The following KDM4A variants were observed in gnomAD, a reference collection of about 807,000 sequenced individuals.
KDM4A encodes the protein lysine-specific demethylase 4A.
In KDM4A, 23 loss-of-function variants were observed where a neutral mutation model predicts 127.1. That is an observed-to-expected ratio of 0.18 (90% confidence interval 0.13 to 0.26). The LOEUF (loss-of-function observed/expected upper bound fraction) is 0.26. KDM4A is among the 10% of genes least tolerant of loss of function. The pLI is 1.00. For synonymous variants in KDM4A, 443 were observed against 466.5 expected, an observed-to-expected ratio of 0.95 and a Z score of 0.65; for missense variants, 890 against 1,329.1, an observed-to-expected ratio of 0.67 and a Z score of 5.14.
At chr1:43,691,663 C>A in intron 15 of KDM4A, 91 bp downstream of exon 15, 1 of 1,098,432 alleles carries the variant, frequency 9.1e-7, no homozygotes, top group Non-Finnish European at 1.4e-6. Flanking sequence ...GTATTCCCAG[C>A]AGTCTGCATA....
intron 20 of KDM4A, 35 bp downstream of exon 20, chr1:43,703,771 G>A: frequency 6.2e-7 from 1 of 1,612,596 alleles, no homozygotes; most frequent in Non-Finnish European, 8.5e-7. Flanking sequence ...GGAGTGGGGG[G>A]TGCTTGATTA....
At chr1:43,656,503 ATT>A (rs771846540) in intron 3 of KDM4A, among the ~76,000 whole-genome samples, 12 of 149,626 alleles carry the variant, frequency 8.0e-5, no homozygotes, top group Non-Finnish European at 1.3e-4. Context: ...ATGCTTGGCT[ATT>A]TTTTGTATTT....
intron 11 of KDM4A, among the ~76,000 whole-genome samples, chr1:43,675,779 GCACA>G (rs1375184521): frequency 3.9e-5 from 6 of 152,084 alleles, no homozygotes; most frequent in African/African-American, 1.4e-4. Flanking sequence ...TCTTTTAAAC[GCACA>G]CACAAAGGGC....
Position 43,704,076 on chromosome 1 carries a change from G to A in KDM4A, c.3018G>A (p.Leu1006=). ...TTAAGAGAGATGATGTATACACACT[G>A]GATGAAGAGCTTCCCAAGAGAGTCA... is the stretch of plus-strand genomic sequence containing the variant. ...LVVKRDDVYT[L]DEELPKRVKS... is the part of the protein sequence containing the mutation. Residue 1006 remains leucine, a synonymous_variant, in exon 21 of 22, where the codon CTG becomes CTA. Coordinates refer to ENST00000372396, the MANE Select transcript of KDM4A (RefSeq NM_014663.3). The A allele has an allele frequency of 6.2e-7, 1 of 1,614,104 alleles. No individual in the cohort carries two copies. Among genetic ancestry groups the A allele is most frequent in the South Asian group, 1.1e-5 (1 of 91,060 alleles).
intron 3 of KDM4A, among the ~76,000 whole-genome samples, chr1:43,656,329 GTTT>G (rs11438925): frequency 2.8e-4 from 15 of 54,178 alleles, no homozygotes; most frequent in Non-Finnish European, 3.9e-4. Flanking sequence ...TCTGCTGTTG[GTTT>G]TTTTTTTTTT....
intron 11 of KDM4A, among the ~76,000 whole-genome samples, chr1:43,673,690 CCTT>C (rs1660677678): frequency 1.3e-5 from 2 of 152,240 alleles, no homozygotes; most frequent in East Asian, 3.9e-4. Flanking sequence ...GTTCTCTGTG[CCTT>C]CTTATGGCAG....
intron 3 of KDM4A, among the ~76,000 whole-genome samples, chr1:43,659,418 A>T (rs1241162154): frequency 2.0e-5 from 3 of 152,164 alleles, no homozygotes; most frequent in Admixed American, 1.3e-4. Flanking sequence ...GGGTTTAAGT[A>T]ATTCTCCTGC....
Position 43,704,007 on chromosome 1 carries a change from G to A in KDM4A, c.2962-13G>A. On this transcript the variant is annotated splice_polypyrimidine_tract_variant and intron_variant, in intron 20 of 21. Coordinates refer to ENST00000372396, the MANE Select transcript of KDM4A (RefSeq NM_014663.3). ...GGGATATCCTAGCCAAAAGGCCTTT[G>A]TTTCCTTGGTAGGTGGAGTTTGAGG... 6.2e-7 allele frequency: 1 copy of A among 1,612,700 alleles called. No homozygotes were observed. Among genetic ancestry groups the A allele is most frequent in the Admixed American group, 1.7e-5 (1 of 60,018 alleles).
chr1:43,667,694 G>A (rs1014658919), intron 8 of KDM4A, 78 bp from the exon 9 acceptor site: 21 of 1,578,032 alleles, frequency 1.3e-5, no homozygotes, highest in Non-Finnish European at 1.7e-5. Context: ...TCCATGTGGA[G>A]GGAGGAGCTA....
chr1:43,686,491 G>A (rs1317426922), intron 12 of KDM4A, among the ~76,000 whole-genome samples: 6 of 151,824 alleles, frequency 4.0e-5, no homozygotes, highest in African/African-American at 1.5e-4. Context: ...TGTGTGCTAC[G>A]ACGCCCAGCT....
chr1:43,662,967 T>C lies in KDM4A; in HGVS notation c.503T>C (p.Ile168Thr), dbSNP rs763662886. ...DLVEKESGIT[I>T]EGVNTPYLYF... ...GTGGAAAAGGAGAGTGGGATCACCATTGAGGGTGTGAACACCCCATACCTG... is the reference window on the plus strand; with the variant it reads ...GTGGAAAAGGAGAGTGGGATCACCACTGAGGGTGTGAACACCCCATACCTG... Residue 168 changes from isoleucine (I) to threonine (T), a missense_variant, in exon 5 of 22, where the codon ATT becomes ACT. Ile to Thr is a moderately conservative substitution (Grantham distance 89, BLOSUM62 -1). This residue lies in a region of KDM4A where 141 missense variants were observed against 273.5 expected (regional missense o/e 0.52). Transcript: ENST00000372396. The C allele has an allele frequency of 3.1e-6, 5 of 1,614,166 alleles. No individual in the cohort carries two copies. Among genetic ancestry groups the C allele is most frequent in the Non-Finnish European group, 4.2e-6 (5 of 1,180,014 alleles).
intron 4 of KDM4A, among the ~76,000 whole-genome samples, chr1:43,661,608 C>CAAAA (rs34131801): frequency 6.1e-4 from 25 of 40,860 alleles, no homozygotes; most frequent in Non-Finnish European, 7.7e-4. Flanking sequence ...GACTCTGTCT[C>CAAAA]AAAAAAAAAA....
Position 43,683,647 on chromosome 1 carries a change from G to A in KDM4A, c.1735-37G>A, listed in dbSNP as rs958021087. ...GGTGACTTGTGCTGTGTCTCAAGTG[G>A]AGACAAGACCAATTTAATTTCTTGT... is the stretch of plus-strand genomic sequence containing the variant. On this transcript the variant is annotated intron_variant, in intron 11 of 21. Coordinates refer to ENST00000372396, the MANE Select transcript of KDM4A (RefSeq NM_014663.3). 8 of 1,601,994 alleles carry A rather than the reference G, an allele frequency of 5.0e-6. No homozygotes were observed. In the Admixed American group the frequency reaches 1.4e-4, roughly 27 times the overall value.
rs192557482 is a variant in KDM4A at position 43,652,137 on chromosome 1, T to C, written c.-39-1000T>C. 4.0e-3 allele frequency among the ~76,000 whole-genome samples: 607 copies of C among 152,356 alleles called. 6 individuals carry two copies. Among genetic ancestry groups the C allele is most frequent in the Non-Finnish European group, 6.1e-3 (417 of 68,024 alleles). On this transcript the variant is annotated intron_variant, in intron 1 of 21. Transcript: ENST00000372396. ...TTAGCTGTGCCCTAGGGAGGAGCCT[T>C]GGCCTCCCAAAGTGCTGGGATTACA... is the stretch of plus-strand genomic sequence containing the variant.
chr1:43,665,850 T>C, intron 6 of KDM4A, 105 bp downstream of exon 6: 2 of 1,190,930 alleles, frequency 1.7e-6, no homozygotes, highest in South Asian at 1.2e-5. Context: ...GCAGGTCCTG[T>C]TGCAGGCCTG....
chr1:43,668,986 C>T, intron 9 of KDM4A, 114 bp from the exon 10 acceptor site: 1 of 1,057,662 alleles, frequency 9.5e-7, no homozygotes, highest in South Asian at 1.5e-5. Flanking sequence ...AGTTTTGAGC[C>T]AGGCCTGACA....
At chr1:43,653,097 AATTTTT>A (rs1453667677) in intron 1 of KDM4A, 34 bp from the exon 2 acceptor site, 2 of 1,095,108 alleles carry the variant, frequency 1.8e-6, no homozygotes, top group Non-Finnish European at 2.5e-6. Flanking sequence ...ACTTAATTTT[AATTTTT>A]ATATTATTTT....
chr1:43,699,267 T>TA lies in KDM4A; in HGVS notation c.2841+1257dup, dbSNP rs1473081062. Among the ~76,000 whole-genome samples the TA allele has an allele frequency of 2.6e-5, 4 of 152,096 alleles. No homozygotes were observed. The East Asian group carries it at 7.7e-4, about 29-fold the overall frequency. ...CATGCAGTCACACCTGGCTAATTTTTAAATTTTTTGTAGTAACAACGGTCT... is the reference window on the plus strand; with the variant it reads ...CATGCAGTCACACCTGGCTAATTTTTAAAATTTTTTGTAGTAACAACGGTCT... On this transcript the variant is annotated intron_variant, in intron 19 of 21. Coordinates refer to ENST00000372396, the MANE Select transcript of KDM4A (RefSeq NM_014663.3).
chr1:43,686,833 G>A (rs900870314), intron 12 of KDM4A, among the ~76,000 whole-genome samples: 6 of 152,188 alleles, frequency 3.9e-5, no homozygotes, highest in African/African-American at 1.2e-4. Context: ...TAACAATTCA[G>A]TGATATGCAC....
Sources: allele counts gnomAD v4.1 joint callset (sites outside exome capture counted in the v4.1 genomes callset), GRCh38; gene constraint gnomAD v4.1.1; regional missense constraint gnomAD v4.1.1; transcripts MANE v1.5; gene names NCBI Gene and HGNC (gene_info 2026-07-23, HGNC 2026-07-21).